The following C8orf89 variants were observed in gnomAD, a reference collection of about 807,000 sequenced individuals.
C8orf89 encodes the protein chromosome 8 open reading frame 89.
A neutral mutation model predicts 15.8 loss-of-function variants in C8orf89; 14 were observed. That is an observed-to-expected ratio of 0.89 (90% CI 0.59 to 1.39). The LOEUF (loss-of-function observed/expected upper bound fraction) is 1.39, where lower values mean the gene tolerates loss of function less well. Ranked by LOEUF, C8orf89 falls within the 40% of genes most tolerant of loss-of-function variation. The pLI is 0.00. For missense variants in C8orf89, 181 were observed against 184.5 expected, an observed-to-expected ratio of 0.98 and a Z score of 0.11; for synonymous variants, 55 against 62.2, an observed-to-expected ratio of 0.88 and a Z score of 0.54.
rs561895273 is a variant in C8orf89, at chr8:73,257,025, G to A, written c.229C>T (p.Leu77=). ...SCQKSVSSTP[L]EVPKRLPRAD... is the part of the protein sequence containing the mutation. ...CGTGGCAGTCTTTTAGGAACCTCTAGTGGAGTTGAACTTACACTTTTTTGG... is the reference window on the plus strand; with the variant it reads ...CGTGGCAGTCTTTTAGGAACCTCTAATGGAGTTGAACTTACACTTTTTTGG... The change falls in exon 2 of 4, where the codon CTA becomes TTA. Residue 77 remains leucine (L), a synonymous_variant. Coordinates refer to ENST00000624510, the MANE Select transcript of C8orf89 (RefSeq NM_001243237.3). The A allele has an allele frequency of 2.6e-5, 40 of 1,535,244 alleles. No homozygotes were observed. The highest frequency in any genetic ancestry group is 1.2e-4 in the African/African-American group (9 of 73,138).
the C8orf89 span, among the ~76,000 whole-genome samples, chr8:73,272,475 T>C: frequency 6.6e-6 from 1 of 152,212 alleles, no homozygotes; most frequent in East Asian, 1.9e-4. Flanking sequence ...TTTATTATAC[T>C]TTAAGTTCTA....
chr8:73,246,422 A>G (rs566019951), intron 3 of C8orf89, among the ~76,000 whole-genome samples: 37 of 152,326 alleles, frequency 2.4e-4, no homozygotes, highest in Non-Finnish European at 2.9e-4. Context: ...TCTGTCGCCC[A>G]GGCTAGAGTG....
the C8orf89 span, among the ~76,000 whole-genome samples, chr8:73,279,021 G>C: frequency 6.6e-6 from 1 of 152,004 alleles, no homozygotes; most frequent in Admixed American, 6.6e-5. Context: ...AAGTATTACA[G>C]GACATTTTCC....
intron 2 of C8orf89, among the ~76,000 whole-genome samples, chr8:73,250,757 G>A (rs1228146523): frequency 6.6e-6 from 1 of 152,090 alleles, no homozygotes; most frequent in Admixed American, 6.5e-5. Context: ...TATCATGATT[G>A]AATCTGCTGT....
intron 3 of C8orf89, among the ~76,000 whole-genome samples, chr8:73,248,778 G>C (rs1259649517): frequency 6.6e-6 from 1 of 152,102 alleles, no homozygotes; most frequent in African/African-American, 2.4e-5. Flanking sequence ...ATCAATTTTT[G>C]CACGTTGATT....
intron 3 of C8orf89, among the ~76,000 whole-genome samples, chr8:73,247,738 G>A (rs1046714760): frequency 2.6e-5 from 4 of 152,054 alleles, no homozygotes. Context: ...CTGCATGTAT[G>A]TCTTCTTTTG....
At chr8:73,268,859 C>T in the C8orf89 span, among the ~76,000 whole-genome samples, 1 of 152,142 alleles carries the variant, frequency 6.6e-6, no homozygotes, top group Non-Finnish European at 1.5e-5. Context: ...ACTCTTTCTA[C>T]TTTGGGATGT....
At position 73,241,549 on chromosome 8, in the gene C8orf89, A is replaced by G. The variant is rs922124512; in HGVS notation, c.394T>C (p.Ser132Pro). 7 of 1,533,862 alleles carry G rather than the reference A, an allele frequency of 4.6e-6. No individual in the cohort carries two copies. In the African/African-American group the frequency reaches 9.6e-5, roughly 21 times the overall value. ...GAPSQYLERL[S>P]KIAILEYDTI... is the part of the protein sequence containing the mutation. ...TCATATTCCAATATGGCTATTTTGG[A>G]AAGTCTCTCTAAGTATTGAGATGGT... The change falls in exon 4 of 4, where the codon TCC becomes CCC. Residue 132 changes from serine (S) to proline (P), a missense_variant. Ser to Pro is a moderately conservative substitution (Grantham distance 74). Transcript: ENST00000624510.
chr8:73,241,527 T>C lies in C8orf89; in HGVS notation c.416A>G (p.Tyr139Cys), dbSNP rs1813006219. Reference protein sequence around the residue: ...ERLSKIAILEYDTIRQETTTK... With the variant: ...ERLSKIAILECDTIRQETTTK... ...GGTTGTTTCCTGACGAATGGTATCA[T>C]ATTCCAATATGGCTATTTTGGAAAG... The change falls in exon 4 of 4, where the codon TAT (tyrosine) becomes TGT (cysteine). Residue 139 changes from tyrosine (Y) to cysteine (C), a missense_variant. Physicochemically the swap from Tyr to Cys is radical, Grantham distance 194. Transcript: ENST00000624510. The C allele has an allele frequency of 6.5e-7, 1 of 1,534,136 alleles. No homozygotes were observed. Among genetic ancestry groups the C allele is most frequent in the African/African-American group, 1.4e-5 (1 of 73,140 alleles).
the C8orf89 span, among the ~76,000 whole-genome samples, chr8:73,271,974 C>T: frequency 6.6e-6 from 1 of 152,164 alleles, no homozygotes; most frequent in African/African-American, 2.4e-5. Flanking sequence ...TCATTTCAGA[C>T]CACAGTAAGG....
At chr8:73,277,810 C>T in the C8orf89 span, 1 of 722,638 alleles carries the variant, frequency 1.4e-6, no homozygotes, top group Admixed American at 1.8e-5. Flanking sequence ...CTCCGCACAG[C>T]CATAATCACA....
intron 3 of C8orf89, among the ~76,000 whole-genome samples, chr8:73,249,068 A>G (rs1813190684): frequency 1.3e-5 from 2 of 152,102 alleles, no homozygotes; most frequent in Admixed American, 1.3e-4. Flanking sequence ...TTTGTCATAG[A>G]TGGCTTTTAT....
chr8:73,273,842 C>A, the C8orf89 span, among the ~76,000 whole-genome samples: 1 of 149,910 alleles, frequency 6.7e-6, no homozygotes, highest in African/African-American at 2.5e-5. Flanking sequence ...AACTGTTTAT[C>A]TTGCTTAACC....
At chr8:73,252,378 A>T (rs914570561) in intron 2 of C8orf89, among the ~76,000 whole-genome samples, 1 of 152,220 alleles carries the variant, frequency 6.6e-6, no homozygotes, top group Non-Finnish European at 1.5e-5. Context: ...TAAAGTTTTT[A>T]AAAAGGCAGG....
the C8orf89 span, among the ~76,000 whole-genome samples, chr8:73,266,450 T>C: frequency 6.6e-3 from 1,007 of 152,328 alleles, 4 homozygotes; most frequent in Non-Finnish European, 0.011. Context: ...TTTTCCACCA[T>C]ATAAAAGCCT....
At chr8:73,248,176 G>A (rs1358115203) in intron 3 of C8orf89, among the ~76,000 whole-genome samples, 1 of 152,154 alleles carries the variant, frequency 6.6e-6, no homozygotes, top group Non-Finnish European at 1.5e-5. Context: ...AGTTAGCCCA[G>A]CATCATTTAT....
chr8:73,257,583 G>A (rs1171036870), intron 1 of C8orf89, among the ~76,000 whole-genome samples: 2 of 152,090 alleles, frequency 1.3e-5, no homozygotes, highest in Non-Finnish European at 2.9e-5. Flanking sequence ...TATACTTGAG[G>A]CACTGATTTT....
chr8:73,274,375 C>T, the C8orf89 span, among the ~76,000 whole-genome samples: 360 of 152,142 alleles, frequency 2.4e-3, 2 homozygotes, highest in African/African-American at 8.0e-3. Flanking sequence ...ATGGTCTCAA[C>T]CTCCTGACCT....
intron 1 of C8orf89, among the ~76,000 whole-genome samples, chr8:73,258,012 T>C (rs1813438804): frequency 6.6e-6 from 1 of 152,202 alleles, no homozygotes; most frequent in Admixed American, 6.5e-5. Flanking sequence ...AACTGCTGTC[T>C]GAGTACCTTT....
Sources: allele counts gnomAD v4.1 joint callset (sites outside exome capture counted in the v4.1 genomes callset), GRCh38; gene constraint gnomAD v4.1.1; transcripts MANE v1.5; gene names NCBI Gene and HGNC (gene_info 2026-07-23, HGNC 2026-07-21).